LINC00632: variants seen among roughly 807,000 people sequenced by gnomAD.
LINC00632 encodes long independently transcribed non-coding RNA 632.
chrX:140,781,870 A>T (rs185170685), exon 5 of LINC00632, among the ~76,000 whole-genome samples: 2 of 111,887 alleles, frequency 1.8e-5, no homozygotes, highest in East Asian at 5.6e-4. Context: ...CAACAGAGAC[A>T]ATGTAACCTG....
chrX:140,760,219 G>T (rs1931576413), intron 3 of LINC00632, among the ~76,000 whole-genome samples: 1 of 111,743 alleles, frequency 8.9e-6, no homozygotes, highest in East Asian at 2.8e-4. Flanking sequence ...ATTGAACTGG[G>T]TTTTCTTCAG....
exon 5 of LINC00632, among the ~76,000 whole-genome samples, chrX:140,775,162 A>G (rs1931856063): frequency 8.9e-6 from 1 of 111,771 alleles, no homozygotes; most frequent in African/African-American, 3.3e-5. Flanking sequence ...TGGCCTCCTC[A>G]GTGATTTGAA....
chrX:140,732,905 G>A (rs1307400314), intron 2 of LINC00632, among the ~76,000 whole-genome samples: 3 of 110,295 alleles, frequency 2.7e-5, no homozygotes. Flanking sequence ...TGGGATTACT[G>A]GCACCCACCA....
chrX:140,712,656 A>C (rs1281783349), intron 2 of LINC00632, among the ~76,000 whole-genome samples: 1 of 110,538 alleles, frequency 9.0e-6, no homozygotes, highest in Non-Finnish European at 1.9e-5. Flanking sequence ...CCAGTGAGCC[A>C]CCTCTTTTCA....
At chrX:140,711,550 C>T in intron 1 of LINC00632, 1 of 263,723 alleles carries the variant, frequency 3.8e-6, no homozygotes, top group Admixed American at 5.1e-5. Flanking sequence ...ATTATTTTTG[C>T]TGTTATAAAT....
At chrX:140,741,960 C>T (rs1036583793) in intron 3 of LINC00632, among the ~76,000 whole-genome samples, 1 of 111,910 alleles carries the variant, frequency 8.9e-6, no homozygotes, top group Non-Finnish European at 1.9e-5. Context: ...TGGGAGATGG[C>T]GAACAACAGT....
At chrX:140,766,139 C>T (rs73576520) in intron 3 of LINC00632, among the ~76,000 whole-genome samples, 9,147 of 111,310 alleles carry the variant, frequency 0.082, 888 homozygotes, top group African/African-American at 0.28. Flanking sequence ...CATCGCCAAA[C>T]GGGGGTCACG....
chrX:140,731,911 C>T (rs972374932), intron 2 of LINC00632, among the ~76,000 whole-genome samples: 2 of 111,307 alleles, frequency 1.8e-5, no homozygotes, highest in African/African-American at 6.5e-5. Flanking sequence ...ACACTCAAAA[C>T]CCCCATTACA....
At chrX:140,774,861 C>T (rs1931852625) in exon 5 of LINC00632, among the ~76,000 whole-genome samples, 1 of 111,423 alleles carries the variant, frequency 9.0e-6, no homozygotes, top group Non-Finnish European at 1.9e-5. Context: ...GTTTCGGGAA[C>T]TCAACTATAG....
rs1213527917 is a variant in LINC00632, at chrX:140,771,667, A to G, written n.192-411A>G. Among the ~76,000 whole-genome samples the G allele has an allele frequency of 3.8e-3, 101 of 26,541 alleles. 1 individual carries two copies. The highest frequency in any genetic ancestry group is 0.029 in the South Asian group (14 of 480). 23.0% of individuals were successfully genotyped at this position (26,541 alleles called of 115,157 possible). ...CACATACATATATGTGTGTGTGTGTATATATATATATATATATATTTTTTT... is the reference window on the plus strand; with the variant it reads ...CACATACATATATGTGTGTGTGTGTGTATATATATATATATATATTTTTTT... On this transcript the variant is annotated intron_variant and non_coding_transcript_variant, in intron 3 of 4. Coordinates refer to ENST00000648200, the Ensembl canonical transcript of LINC00632.
At chrX:140,754,953 C>G (rs142992087) in intron 3 of LINC00632, among the ~76,000 whole-genome samples, 36 of 110,780 alleles carry the variant, frequency 3.2e-4, no homozygotes, top group African/African-American at 1.1e-3. Context: ...AGATATGGGC[C>G]TTAGGTAAGA....
chrX:140,724,115 C>A (rs756374697), intron 2 of LINC00632, among the ~76,000 whole-genome samples: 303 of 78,254 alleles, frequency 3.9e-3, no homozygotes, highest in African/African-American at 0.013. Context: ...TCCATATACA[C>A]ACACACATTC....
chrX:140,781,450 T>C (rs1931931575), exon 5 of LINC00632, among the ~76,000 whole-genome samples: 1 of 111,452 alleles, frequency 9.0e-6, no homozygotes, highest in Admixed American at 9.6e-5. Flanking sequence ...GTTGGGCCCC[T>C]GAATGCAACC....
chrX:140,735,936 T>C (rs930869515), intron 3 of LINC00632, among the ~76,000 whole-genome samples: 13 of 111,458 alleles, frequency 1.2e-4, no homozygotes, highest in African/African-American at 4.2e-4. Context: ...TTATAGGAAA[T>C]ATTCATAATT....
At chrX:140,723,797 C>T (rs757276743) in intron 2 of LINC00632, among the ~76,000 whole-genome samples, 1 of 289 alleles carries the variant, frequency 3.5e-3, no homozygotes, top group African/African-American at 0.014. Context: ...CACATACATA[C>T]ACACACACAT....
chrX:140,712,553 C>CAAACA (rs1930540511), intron 2 of LINC00632, among the ~76,000 whole-genome samples: 1 of 109,363 alleles, frequency 9.1e-6, no homozygotes, highest in South Asian at 4.0e-4. Context: ...CAGCCTGTTG[C>CAAACA]TGGCCGTAGT....
At chrX:140,718,826 C>A (rs1348731963) in intron 2 of LINC00632, among the ~76,000 whole-genome samples, 2 of 112,174 alleles carry the variant, frequency 1.8e-5, no homozygotes, top group African/African-American at 6.5e-5. Context: ...ACCCAACAAA[C>A]AGAAACTCAT....
At chrX:140,743,293 GTATTTGT>G (rs961083072) in intron 3 of LINC00632, among the ~76,000 whole-genome samples, 1 of 101,465 alleles carries the variant, frequency 9.9e-6, no homozygotes, top group African/African-American at 3.8e-5. Context: ...AAAATGTCAG[GTATTTGT>G]TATTAGGTCA....
At chrX:140,724,512 C>CGT (rs1930875502) in intron 2 of LINC00632, among the ~76,000 whole-genome samples, 1 of 110,121 alleles carries the variant, frequency 9.1e-6, no homozygotes, top group African/African-American at 3.5e-5. Flanking sequence ...ACACACATTC[C>CGT]ATACACACAC....
Sources: gnomAD v4.1 joint callset for allele counts (sites outside exome capture counted in the v4.1 genomes callset) on GRCh38, gnomAD v4.1.1 for gene constraint, MANE v1.5 for transcripts, NCBI Gene and HGNC (gene_info 2026-07-23, HGNC 2026-07-21) for gene names.